Variants in PRKCE observed in about 807,000 individuals in gnomAD.
PRKCE encodes protein kinase C epsilon.
Under a neutral mutation model 85.4 loss-of-function variants are expected in PRKCE, and 16 were observed. The observed-to-expected ratio is 0.19, with a 90% CI of 0.13 to 0.28. The LOEUF is 0.28. Among genes scored for constraint, PRKCE ranks in the 10% least tolerant of loss-of-function variants. PRKCE has a pLI of 1.00. For synonymous variants in PRKCE, 388 were observed against 371.5 expected, an observed-to-expected ratio of 1.04 and a Z score of -0.51; for missense variants, 573 against 975.2, an observed-to-expected ratio of 0.59 and a Z score of 5.49.
At chr2:45,672,306 ATATC>A (rs1676210032) in intron 1 of PRKCE, among the ~76,000 whole-genome samples, 1 of 147,094 alleles carries the variant, frequency 6.8e-6, no homozygotes, top group South Asian at 2.2e-4. Context: ...ATCCATCTCT[ATATC>A]CATCCATCCA....
chr2:45,737,383 T>C (rs1682163150), intron 1 of PRKCE, among the ~76,000 whole-genome samples: 2 of 152,154 alleles, frequency 1.3e-5, no homozygotes, highest in African/African-American at 4.8e-5. Flanking sequence ...GGCCTGCCAG[T>C]CCTGGAACAC....
chr2:45,674,192 T>G (rs1235356690), intron 1 of PRKCE, among the ~76,000 whole-genome samples: 1 of 152,234 alleles, frequency 6.6e-6, no homozygotes, highest in East Asian at 1.9e-4. Context: ...TTGTGCACGC[T>G]CCTTCCACTT....
Position 46,187,804 on chromosome 2 carries a change from G to C in PRKCE, c.*2923G>C, listed in dbSNP as rs1046996433. ...AACTGTAAAATGTATTCAATTTTAGGATTTTTTTTTTTTGTATTGTGATGC... is the reference window on the plus strand; with the variant it reads ...AACTGTAAAATGTATTCAATTTTAGCATTTTTTTTTTTTGTATTGTGATGC... On this transcript the variant is annotated 3_prime_UTR_variant, in exon 15 of 15. Transcript: ENST00000306156. The C allele has an allele frequency of 1.8e-5, 2 of 112,916 alleles. No homozygotes were observed. Among genetic ancestry groups the C allele is most frequent in the African/African-American group, 1.1e-4 (2 of 17,824 alleles). The allele number at this position is 112,916 out of a possible 1,614,324, so 7.0% of individuals were successfully genotyped here. A position where few individuals can be genotyped will look rare whatever the true frequency, so the allele number is the denominator to read the frequency against.
chr2:45,965,923 G>T (rs1230411593), intron 2 of PRKCE, among the ~76,000 whole-genome samples: 1 of 152,014 alleles, frequency 6.6e-6, no homozygotes, highest in Non-Finnish European at 1.5e-5. Flanking sequence ...ATGTGGGTGT[G>T]CCATGACTTA....
At chr2:46,171,171 G>A (rs1443962441) in intron 14 of PRKCE, among the ~76,000 whole-genome samples, 2 of 152,168 alleles carry the variant, frequency 1.3e-5, no homozygotes, top group Admixed American at 1.3e-4. Flanking sequence ...GCAGGGCCTG[G>A]CTCAGCAAGC....
At chr2:45,821,848 G>T (rs1170245764) in intron 1 of PRKCE, among the ~76,000 whole-genome samples, 3 of 152,204 alleles carry the variant, frequency 2.0e-5, no homozygotes, top group Non-Finnish European at 4.4e-5. Flanking sequence ...GATTCTATCT[G>T]CTGGGTGGAT....
At chr2:46,182,922 C>G (rs1246191657) in intron 14 of PRKCE, among the ~76,000 whole-genome samples, 1 of 152,118 alleles carries the variant, frequency 6.6e-6, no homozygotes, top group Non-Finnish European at 1.5e-5. Context: ...CAGACCTTAC[C>G]CACTGTGGAA....
At chr2:45,706,099 A>T (rs1373040344) in intron 1 of PRKCE, among the ~76,000 whole-genome samples, 3 of 152,194 alleles carry the variant, frequency 2.0e-5, no homozygotes, top group Non-Finnish European at 2.9e-5. Context: ...TCACCTGAGA[A>T]TACATCCAGG....
intron 2 of PRKCE, among the ~76,000 whole-genome samples, chr2:45,947,525 AT>A (rs988222854): frequency 1.6e-4 from 24 of 152,240 alleles, no homozygotes; most frequent in African/African-American, 5.8e-4. Context: ...GCAAACTAAA[AT>A]AACAATATTA....
Position 45,697,119 on chromosome 2 carries a change from G to T in PRKCE, c.348+44671G>T, listed in dbSNP as rs1678218145. ...CCCCTGATTGGAAAAGGTGGATGTT[G>T]TTCTAATACTTAGGAACATGCCTCC... On this transcript the variant is annotated intron_variant, in intron 1 of 14. Transcript: ENST00000306156. This position sits in a 1 kb window ranked among gnomAD's most constrained non-coding sequence, Gnocchi z 4.2. 6.6e-6 allele frequency among the ~76,000 whole-genome samples: 1 copy of T among 152,246 alleles called. No individual in the cohort carries two copies. Among genetic ancestry groups the T allele is most frequent in the Non-Finnish European group, 1.5e-5 (1 of 68,044 alleles).
At chr2:45,687,831 T>C (rs768728325) in intron 1 of PRKCE, among the ~76,000 whole-genome samples, 5 of 152,276 alleles carry the variant, frequency 3.3e-5, no homozygotes, top group African/African-American at 7.2e-5. Flanking sequence ...GTAGTTGCGC[T>C]GTGCTTTGTA....
At chr2:45,991,479 T>G (rs1169051278) in intron 6 of PRKCE, among the ~76,000 whole-genome samples, 1 of 152,218 alleles carries the variant, frequency 6.6e-6, no homozygotes, top group Non-Finnish European at 1.5e-5. Flanking sequence ...ATAATTTGCT[T>G]TTCTACAGTA....
At chr2:45,981,859 C>T (rs1284365020) in intron 5 of PRKCE, among the ~76,000 whole-genome samples, 1 of 152,204 alleles carries the variant, frequency 6.6e-6, no homozygotes, top group Non-Finnish European at 1.5e-5. Flanking sequence ...AGGTCTCTGC[C>T]TCTGCAGGAC....
chr2:46,149,497 A>G (rs1264527896), intron 12 of PRKCE, among the ~76,000 whole-genome samples: 3 of 152,166 alleles, frequency 2.0e-5, no homozygotes, highest in South Asian at 2.1e-4. Context: ...TGGAATGGGA[A>G]TGTCACCTCA....
At chr2:45,986,839 A>G (rs1703367703) in intron 6 of PRKCE, among the ~76,000 whole-genome samples, 1 of 151,944 alleles carries the variant, frequency 6.6e-6, no homozygotes, top group African/African-American at 2.4e-5. Context: ...TATTCTTTCT[A>G]GTGTGTGACC....
intron 1 of PRKCE, among the ~76,000 whole-genome samples, chr2:45,781,103 CG>C (rs1553409442): frequency 6.6e-6 from 1 of 151,868 alleles, no homozygotes; most frequent in Non-Finnish European, 1.5e-5. Context: ...GAGGCTGAGG[CG>C]GGAGGATCAC....
rs116176430 is a variant in PRKCE at position 46,043,976 on chromosome 2, G to A, written c.1437+33459G>A. Among the ~76,000 whole-genome samples the A allele has an allele frequency of 2.4e-3, 358 of 152,324 alleles. 2 individuals carry two copies. Among genetic ancestry groups the A allele is most frequent in the African/African-American group, 8.4e-3 (349 of 41,574 alleles). ...ATGAGTATCTGGCCCACTGGCTGGG[G>A]TGTCCTGAGCATAGCAATAATGAGT... On this transcript the variant is annotated intron_variant, in intron 10 of 14. Transcript: ENST00000306156.
At position 45,875,062 on chromosome 2, in the gene PRKCE, C is replaced by T. The variant is rs1694371848; in HGVS notation, c.412+31999C>T. Among the ~76,000 whole-genome samples the T allele has an allele frequency of 2.0e-5, 3 of 152,024 alleles. 1 individual carries two copies. In the South Asian group the frequency reaches 6.2e-4, roughly 32 times the overall value. ...ACATTACACACATGCATGCAGGACC[C>T]CACCAGGTGCCTCCAGTCTCCACAG... is the stretch of plus-strand genomic sequence containing the variant. On this transcript the variant is annotated intron_variant, in intron 2 of 14. Transcript: ENST00000306156.
chr2:46,069,245 C>A (rs1192623585), intron 10 of PRKCE, among the ~76,000 whole-genome samples: 2 of 152,282 alleles, frequency 1.3e-5, no homozygotes, highest in African/African-American at 4.8e-5. Flanking sequence ...CTGTTGCTCA[C>A]CACCTGGAAA....
Sources: allele counts gnomAD v4.1 joint callset (sites outside exome capture counted in the v4.1 genomes callset), GRCh38; gene constraint gnomAD v4.1.1; non-coding constraint Gnocchi (gnomAD v3.1); transcripts MANE v1.5; gene names NCBI Gene and HGNC (gene_info 2026-07-23, HGNC 2026-07-21).